HAUS6: variants seen among roughly 807,000 people sequenced by gnomAD.
The protein encoded by HAUS6 is HAUS augmin-like complex subunit 6.
In HAUS6, 80 loss-of-function variants were observed where a neutral mutation model predicts 106.8. The observed-to-expected ratio is 0.75, with a 90% CI of 0.63 to 0.90. HAUS6 has a LOEUF of 0.90. Among genes scored for constraint, HAUS6 ranks in the 40% least tolerant of loss-of-function variants. The probability of loss-of-function intolerance (pLI) is 0.00; values close to 1 mark genes in which losing one functional copy is unlikely to be tolerated. For missense variants in HAUS6, 1,155 were observed against 1,118.1 expected, an observed-to-expected ratio of 1.03 and a Z score of -0.47; for synonymous variants, 356 against 379.1, an observed-to-expected ratio of 0.94 and a Z score of 0.71.
At chr9:19,068,841 A>C (rs982568757) in intron 12 of HAUS6, among the ~76,000 whole-genome samples, 3 of 152,142 alleles carry the variant, frequency 2.0e-5, no homozygotes, top group Non-Finnish European at 2.9e-5. Flanking sequence ...TTTTTTGCTC[A>C]TATAATCTGT....
At chr9:19,096,370 G>T (rs1817861781) in intron 2 of HAUS6, among the ~76,000 whole-genome samples, 1 of 152,038 alleles carries the variant, frequency 6.6e-6, no homozygotes, top group Non-Finnish European at 1.5e-5. Context: ...TTTGAGACCA[G>T]CCTGACCAAC....
intron 14 of HAUS6, among the ~76,000 whole-genome samples, chr9:19,060,888 A>C (rs1836599398): frequency 6.6e-6 from 1 of 152,220 alleles, no homozygotes; most frequent in African/African-American, 2.4e-5. Context: ...GAGGCCGGGC[A>C]TGGTGGCTCA....
intron 4 of HAUS6, among the ~76,000 whole-genome samples, chr9:19,092,337 CTGTAATCCTAACACTTTGG>C (rs1300262839): frequency 1.3e-5 from 2 of 151,638 alleles, no homozygotes; most frequent in East Asian, 1.9e-4. Context: ...TGTCTCATGC[CTGTAATCCTAACACTTTGG>C]TGTAATCCTA....
intron 9 of HAUS6, among the ~76,000 whole-genome samples, chr9:19,079,313 C>T (rs1221969495): frequency 1.3e-5 from 2 of 150,846 alleles, no homozygotes; most frequent in African/African-American, 4.9e-5. Context: ...CTCACTGCAA[C>T]CTCTGCCTCC....
Position 19,060,136 on chromosome 9 carries a change from T to G in HAUS6, c.1717A>C (p.Asn573His). 2 of 1,607,624 alleles carry G rather than the reference T, an allele frequency of 1.2e-6. No homozygotes were observed. The highest frequency in any genetic ancestry group is 1.7e-6 in the Non-Finnish European group (2 of 1,175,608). ...ATCTGATTCCTTGTTAAGAAGGGGTTAGAACCCAGAGAGTCAATTAGTTCC... is the reference window on the plus strand; with the variant it reads ...ATCTGATTCCTTGTTAAGAAGGGGTGAGAACCCAGAGAGTCAATTAGTTCC... ...LEELIDSLGS[N>H]PFLTRNQIPR... is the part of the protein sequence containing the mutation. The change falls in exon 15 of 17, where the codon AAC becomes CAC. Residue 573 changes from asparagine to histidine, a missense_variant. This residue lies in a region of HAUS6 where 761 missense variants were observed against 690.0 expected (regional missense o/e 1.10). Transcript: ENST00000380502.
In HAUS6 at chr9:19,102,889, G is replaced by C. The variant is rs1378736753; in HGVS notation, c.-238C>G. ...CCTCAGCGAAGCCACCACAAACCGA[G>C]ACTCCCGCCCTTAAGGAAGAGCAGT... On this transcript the variant is annotated 5_prime_UTR_variant, in exon 1 of 17. Transcript: ENST00000380502. The C allele has an allele frequency of 5.1e-6, 2 of 389,542 alleles. No homozygotes were observed. The highest frequency in any genetic ancestry group is 9.3e-6 in the Non-Finnish European group (2 of 215,086). The allele number at this position is 389,542 out of a possible 1,614,324, so 24.1% of individuals were successfully genotyped here. A position where few individuals can be genotyped will look rare whatever the true frequency, so the allele number is the denominator to read the frequency against.
chr9:19,066,003 C>G (rs941801397), intron 12 of HAUS6, among the ~76,000 whole-genome samples: 2 of 149,766 alleles, frequency 1.3e-5, no homozygotes, highest in Non-Finnish European at 3.0e-5. Flanking sequence ...TGGCGGGATC[C>G]TGGCTCACTG....
rs1836520436 is a variant in HAUS6, at chr9:19,058,171, A to C, written c.2596T>G (p.Leu866Val). 1.2e-6 allele frequency: 2 copies of C among 1,613,816 alleles called. No individual in the cohort carries two copies. The highest frequency in any genetic ancestry group is 8.5e-7 in the Non-Finnish European group (1 of 1,179,854). ...SQTPERHKPELSPTPQNVQTD... is the reference protein window; with the variant it reads ...SQTPERHKPEVSPTPQNVQTD... The stretch of plus-strand genomic sequence containing the variant: ...TGTACATTTTGGGGAGTAGGGCTCA[A>C]TTCTGGTTTGTGTCTTTCGGGTGTT... Residue 866 changes from leucine to valine, a missense_variant, in exon 16 of 17, where the codon TTG becomes GTG. Physicochemically the swap from Leu to Val is conservative, Grantham distance 32 (BLOSUM62 1). This residue lies in a region of HAUS6 where 380 missense variants were observed against 394.8 expected (regional missense o/e 0.96). Transcript: ENST00000380502.
At chr9:19,062,886 G>T in intron 14 of HAUS6, 122 bp downstream of exon 14, 1 of 753,834 alleles carries the variant, frequency 1.3e-6, no homozygotes, top group South Asian at 1.6e-5. Flanking sequence ...TGCTGGTCTC[G>T]AACTTCTGGG....
intron 5 of HAUS6, among the ~76,000 whole-genome samples, chr9:19,089,195 A>G (rs1016501664): frequency 6.6e-6 from 1 of 152,084 alleles, no homozygotes; most frequent in Non-Finnish European, 1.5e-5. Flanking sequence ...GTGAGCCGAC[A>G]TCGCGCCACT....
intron 12 of HAUS6, among the ~76,000 whole-genome samples, chr9:19,067,179 T>G (rs1356972484): frequency 6.6e-6 from 1 of 152,214 alleles, no homozygotes; most frequent in East Asian, 1.9e-4. Flanking sequence ...ATTTCCCAGT[T>G]AACTACATTA....
intron 7 of HAUS6, among the ~76,000 whole-genome samples, chr9:19,083,277 ATT>A (rs1235027521): frequency 6.6e-6 from 1 of 151,956 alleles, no homozygotes; most frequent in African/African-American, 2.4e-5. Flanking sequence ...AAATCTAAGA[ATT>A]TTTTTGTTTT....
intron 7 of HAUS6, among the ~76,000 whole-genome samples, 180 bp from the exon 8 acceptor site, chr9:19,083,223 A>T (rs555657186): frequency 1.2e-4 from 18 of 152,186 alleles, no homozygotes; most frequent in Non-Finnish European, 2.1e-4. Flanking sequence ...GGGAATTTTT[A>T]AAAAAATGTA....
intron 11 of HAUS6, 150 bp from the exon 12 acceptor site, chr9:19,070,450 GATAAGT>G (rs762570045): frequency 4.9e-6 from 3 of 608,350 alleles, no homozygotes; most frequent in Admixed American, 3.0e-5. Flanking sequence ...TTATTCAATT[GATAAGT>G]ATAAAGTGAT....
rs181118909 is a variant in HAUS6 at position 19,058,721 on chromosome 9, A to T, written c.2046T>A (p.Asn682Lys). 8.7e-6 allele frequency: 14 copies of T among 1,613,878 alleles called. No homozygotes were observed. Among genetic ancestry groups the T allele is most frequent in the Non-Finnish European group, 1.1e-5 (13 of 1,179,960 alleles). ...TSHIDEPPTQ[N>K]QSDLLNKKVI... Reference sequence around the variant, plus strand: ...CTTTCTTATTTAACAAATCTGACTGATTTTGTGTTGGTGGTTCATCTATGT... The same window carrying T: ...CTTTCTTATTTAACAAATCTGACTGTTTTTGTGTTGGTGGTTCATCTATGT... Residue 682 changes from asparagine to lysine, a missense_variant, in exon 16 of 17, where the codon AAT (asparagine) becomes AAA (lysine). Around this residue, in one of 3 missense-constraint regions of HAUS6, gnomAD observed 380 missense variants for 394.8 expected, o/e 0.96. Transcript: ENST00000380502.
At chr9:19,070,657 A>G (rs1050797860) in intron 11 of HAUS6, among the ~76,000 whole-genome samples, 1 of 152,232 alleles carries the variant, frequency 6.6e-6, no homozygotes, top group African/African-American at 2.4e-5. Context: ...ATTTCAGTGC[A>G]CATTTATGGT....
At chr9:19,086,038 G>A (rs370408329) in intron 7 of HAUS6, among the ~76,000 whole-genome samples, 11 of 151,980 alleles carry the variant, frequency 7.2e-5, no homozygotes, top group Admixed American at 2.0e-4. Context: ...GGGACCGGGC[G>A]CAGTGGCTCA....
chr9:19,087,320 T>C (rs937057214), intron 5 of HAUS6, among the ~76,000 whole-genome samples, 164 bp from the exon 6 acceptor site: 1 of 152,206 alleles, frequency 6.6e-6, no homozygotes, highest in African/African-American at 2.4e-5. Context: ...TGATTCAACA[T>C]ACAGGCTCCT....
At chr9:19,092,453 T>C (rs1428847139) in intron 4 of HAUS6, among the ~76,000 whole-genome samples, 2 of 151,160 alleles carry the variant, frequency 1.3e-5, no homozygotes, top group Non-Finnish European at 2.9e-5. Flanking sequence ...CCATCTCTAC[T>C]AAAAATACAA....
Sources: allele counts gnomAD v4.1 joint callset (sites outside exome capture counted in the v4.1 genomes callset), GRCh38; gene constraint gnomAD v4.1.1; regional missense constraint gnomAD v4.1.1; transcripts MANE v1.5; gene names NCBI Gene and HGNC (gene_info 2026-07-23, HGNC 2026-07-21).